NR2E1: variants seen among roughly 807,000 people sequenced by gnomAD.
NR2E1 encodes the protein nuclear receptor subfamily 2 group E member 1.
NR2E1 carries 5 observed loss-of-function variants against 43.6 expected under a neutral mutation model. The ratio of observed to expected loss-of-function variants is 0.11; its 90% CI spans 0.06 to 0.24. The LOEUF (loss-of-function observed/expected upper bound fraction) is 0.24, where lower values mean the gene tolerates loss of function less well. NR2E1 is among the 10% of genes least tolerant of loss of function. The pLI is 1.00. For synonymous variants in NR2E1, 191 were observed against 195.5 expected (o/e 0.98, Z 0.19); for missense variants, 287 against 496.7 (o/e 0.58, Z 4.01).
rs184173212 is a variant in NR2E1 at position 108,184,876 on chromosome 6, T to C, written c.996-2425T>C. Among the ~76,000 whole-genome samples, 350 of 152,338 alleles carry C rather than the reference T, an allele frequency of 2.3e-3. 1 individual carries two copies. Among genetic ancestry groups the C allele is most frequent in the African/African-American group, 8.0e-3 (331 of 41,578 alleles). On this transcript the variant is annotated intron_variant, in intron 8 of 8. Transcript: ENST00000368986. ...TTATTATTTCTATTAAATATTAGAATAGTAAATATCAAATAAGTATCTTAT... is the reference window on the plus strand; with the variant it reads ...TTATTATTTCTATTAAATATTAGAACAGTAAATATCAAATAAGTATCTTAT...
chr6:108,174,797 A>C (rs1773869726), intron 2 of NR2E1, 39 bp from the exon 3 acceptor site: 2 of 1,573,600 alleles, frequency 1.3e-6, no homozygotes, highest in Non-Finnish European at 1.7e-6. Context: ...TCCAGCCTAA[A>C]GGCCCTGGGG....
intron 1 of NR2E1, among the ~76,000 whole-genome samples, chr6:108,170,465 A>T (rs1773792562): frequency 6.6e-6 from 1 of 151,860 alleles, no homozygotes; most frequent in African/African-American, 2.4e-5. Context: ...TAAACGGCCA[A>T]ATATTACCCT....
rs1484770294 is a variant in NR2E1, at chr6:108,180,106, G to A, written c.643-217G>A. Among the ~76,000 whole-genome samples the A allele has an allele frequency of 6.6e-6, 1 of 152,126 alleles. No individual in the cohort carries two copies. The highest frequency in any genetic ancestry group is 1.5e-5 in the Non-Finnish European group (1 of 68,014). ...TTTTCTGAGAGAAGGAAACTTTGGA[G>A]AATTGGAATGGCTGACTCTCAAATC... On this transcript the variant is annotated intron_variant, in intron 5 of 8. Coordinates refer to ENST00000368986, the MANE Select transcript of NR2E1 (RefSeq NM_003269.5). This position sits in a 1 kb window ranked among gnomAD's most constrained non-coding sequence, Gnocchi z 5.4.
chr6:108,171,059 TC>T (rs950609852), intron 1 of NR2E1, among the ~76,000 whole-genome samples: 25 of 152,288 alleles, frequency 1.6e-4, no homozygotes, highest in African/African-American at 5.8e-4. Context: ...CAAGTTTGTC[TC>T]CTCGCGCGCT....
rs762696857 is a variant in NR2E1 at position 108,171,414 on chromosome 6, C to T, written c.26-44C>T. On this transcript the variant is annotated intron_variant, in intron 1 of 8. Coordinates refer to ENST00000368986, the MANE Select transcript of NR2E1 (RefSeq NM_003269.5). The stretch of plus-strand genomic sequence containing the variant: ...TCTCCCTCTTCTCCGCCCTCCTTTC[C>T]CTCTCGCCCCTTCCCCCCTTCCCCG... 16 of 1,609,688 alleles carry T rather than the reference C, an allele frequency of 9.9e-6. No homozygotes were observed. In the Admixed American group the frequency reaches 2.7e-4, roughly 27 times the overall value.
At chr6:108,185,563 G>T (rs758904058) in intron 8 of NR2E1, among the ~76,000 whole-genome samples, 2 of 152,024 alleles carry the variant, frequency 1.3e-5, no homozygotes, top group Non-Finnish European at 2.9e-5. Context: ...GGTGCCCAGC[G>T]AATTTTTGTA....
chr6:108,183,636 C>T (rs1389508776), intron 8 of NR2E1, among the ~76,000 whole-genome samples: 1 of 152,150 alleles, frequency 6.6e-6, no homozygotes, highest in Non-Finnish European at 1.5e-5. Flanking sequence ...TCAACTCTGT[C>T]CATTTGGGGT....
At chr6:108,181,502 A>G (rs201720276) in intron 7 of NR2E1, 44 bp from the exon 8 acceptor site, 333 of 1,529,502 alleles carry the variant, frequency 2.2e-4, no homozygotes, top group Middle Eastern at 1.5e-3. Context: ...TCCCAGATGC[A>G]ATTTCTATGC....
chr6:108,168,489 C>A (rs945311577), intron 1 of NR2E1, among the ~76,000 whole-genome samples: 1 of 152,248 alleles, frequency 6.6e-6, no homozygotes, highest in South Asian at 2.1e-4. Flanking sequence ...GGCAGGCCAA[C>A]CCTCCGGACT....
rs778234055 is a variant in NR2E1, at chr6:108,174,847, G to T, written c.183G>T (p.Pro61=). 6.2e-7 allele frequency: 1 copy of T among 1,613,974 alleles called. No individual in the cohort carries two copies. Among genetic ancestry groups the T allele is most frequent in the South Asian group, 1.1e-5 (1 of 91,086 alleles). Reference sequence around the variant, plus strand: ...GCTCTCTGTTCCAGGGAGGCTGTCCGGTGGACAAGACGCACAGAAACCAGT... The same window carrying T: ...GCTCTCTGTTCCAGGGAGGCTGTCCTGTGGACAAGACGCACAGAAACCAGT... The part of the protein sequence containing the change: ...VCKSGNQGGC[P]VDKTHRNQCR... Residue 61 remains proline (P), a synonymous_variant, in exon 3 of 9, where the codon CCG becomes CCT. Transcript: ENST00000368986.
rs768308733 is a variant in NR2E1, at chr6:108,180,938, A to C, written c.871A>C (p.Ile291Leu). The C allele has an allele frequency of 1.9e-6, 3 of 1,614,076 alleles. No homozygotes were observed. Among genetic ancestry groups the C allele is most frequent in the East Asian group, 4.5e-5 (2 of 44,894 alleles). Residue 291 changes from isoleucine to leucine, a missense_variant, in exon 7 of 9, where the codon ATC (isoleucine) becomes CTC (leucine). Transcript: ENST00000368986. This position sits in a 1 kb window ranked among gnomAD's most constrained non-coding sequence, Gnocchi z 5.4. ...TACTGAATTTGCCTGTCTAAAATGC[A>C]TCGTCACTTTCAAAGCCGGTAAGCA... ...DATEFACLKC[I>L]VTFKAVPTHS...
chr6:108,166,738 C>G lies in NR2E1; in HGVS notation c.-28C>G. 1 of 1,551,224 alleles carries G rather than the reference C, an allele frequency of 6.4e-7. No homozygotes were observed. Among genetic ancestry groups the G allele is most frequent in the Non-Finnish European group, 8.7e-7 (1 of 1,153,618 alleles). ...CCGGCCGGGACTCGGGCAGCGCCCA[C>G]CAACCGCTCCGCCCCGGGACAGCCA... On this transcript the variant is annotated 5_prime_UTR_variant, in exon 1 of 9. Coordinates refer to ENST00000368986, the MANE Select transcript of NR2E1 (RefSeq NM_003269.5). The surrounding 1 kb of genome is among the most constrained non-coding windows in gnomAD (Gnocchi z 7.2).
intron 8 of NR2E1, among the ~76,000 whole-genome samples, chr6:108,186,258 G>C (rs1747363798): frequency 6.6e-6 from 1 of 152,162 alleles, no homozygotes; most frequent in Non-Finnish European, 1.5e-5. Flanking sequence ...AGCCAGCTGA[G>C]GTCCTGAGAG....
chr6:108,177,284 C>T (rs1289630599), intron 4 of NR2E1, among the ~76,000 whole-genome samples: 1 of 152,236 alleles, frequency 6.6e-6, no homozygotes, highest in African/African-American at 2.4e-5. Flanking sequence ...AATCTGAGTT[C>T]ATTTCCCATG....
chr6:108,173,746 T>A (rs1328827492), intron 2 of NR2E1, among the ~76,000 whole-genome samples: 3 of 152,226 alleles, frequency 2.0e-5, no homozygotes, highest in Non-Finnish European at 2.9e-5. Context: ...GAGCACACAA[T>A]GTCTTAAATA....
chr6:108,175,848 C>T (rs1773887435), intron 3 of NR2E1, among the ~76,000 whole-genome samples: 1 of 152,240 alleles, frequency 6.6e-6, no homozygotes, highest in African/African-American at 2.4e-5. Context: ...TTGTCAAGCT[C>T]GGCAGGCCGA....
Position 108,166,715 on chromosome 6 carries a change from G to T in NR2E1, c.-51G>T, listed in dbSNP as rs1417385567. 7 of 1,493,548 alleles carry T rather than the reference G, an allele frequency of 4.7e-6. No homozygotes were observed. In the East Asian group the frequency reaches 7.9e-5, roughly 17 times the overall value. The allele number at this position is 1,493,548 out of a possible 1,614,324, so 92.5% of individuals were successfully genotyped here. A position where few individuals can be genotyped will look rare whatever the true frequency, so the allele number is the denominator to read the frequency against. On this transcript the variant is annotated 5_prime_UTR_variant, in exon 1 of 9. Transcript: ENST00000368986. The surrounding 1 kb of genome is among the most constrained non-coding windows in gnomAD (Gnocchi z 7.2). Reference sequence around the variant, plus strand: ...GCCCGGCGGCGAGGCGGGCGCTGCCGGCCGGGACTCGGGCAGCGCCCACCA... The same window carrying T: ...GCCCGGCGGCGAGGCGGGCGCTGCCTGCCGGGACTCGGGCAGCGCCCACCA...
intron 1 of NR2E1, among the ~76,000 whole-genome samples, chr6:108,167,441 C>T (rs1184055464): frequency 2.0e-5 from 3 of 152,180 alleles, no homozygotes; most frequent in Admixed American, 1.3e-4. Context: ...CCTCCGTGCG[C>T]TTCTCTCCTT....
intron 4 of NR2E1, 87 bp from the exon 5 acceptor site, chr6:108,178,008 T>G (rs1353347000): frequency 7.0e-7 from 1 of 1,428,752 alleles, no homozygotes; most frequent in Non-Finnish European, 9.9e-7. Flanking sequence ...TCCCCTTCCT[T>G]GCTTTAATTA....
Sources: allele counts gnomAD v4.1 joint callset (sites outside exome capture counted in the v4.1 genomes callset), GRCh38; gene constraint gnomAD v4.1.1; non-coding constraint Gnocchi (gnomAD v3.1); transcripts MANE v1.5; gene names NCBI Gene and HGNC (gene_info 2026-07-23, HGNC 2026-07-21).